The following FNBP1 variants were observed in gnomAD, a reference collection of about 807,000 sequenced individuals.
FNBP1 encodes the protein formin binding protein 1.
Under a neutral mutation model 90.6 loss-of-function variants are expected in FNBP1, and 26 were observed. That is an observed-to-expected ratio of 0.29 (90% CI 0.21 to 0.40). The LOEUF (loss-of-function observed/expected upper bound fraction) is 0.40, where lower values mean the gene tolerates loss of function less well. FNBP1 is among the 10% of genes least tolerant of loss of function. FNBP1 has a pLI of 1.00. For missense variants in FNBP1, 635 were observed against 768.0 expected, an observed-to-expected ratio of 0.83 and a Z score of 2.05; for synonymous variants, 260 against 265.2, an observed-to-expected ratio of 0.98 and a Z score of 0.19.
chr9:129,958,984 T>TAAAAAAAAAAAAAAAA (rs1334219802), intron 4 of FNBP1, among the ~76,000 whole-genome samples: 2 of 466 alleles, frequency 4.3e-3, no homozygotes, highest in Non-Finnish European at 9.7e-3. Flanking sequence ...AAACTCTGCC[T>TAAAAAAAAAAAAAAAA]CAAAAAAAAA....
chr9:130,036,721 T>A (rs1368192663), intron 1 of FNBP1, among the ~76,000 whole-genome samples: 1 of 152,132 alleles, frequency 6.6e-6, no homozygotes, highest in Non-Finnish European at 1.5e-5. Context: ...GCCATGTTCA[T>A]CCCAAACAGA....
chr9:130,000,635 G>A (rs1337038948), intron 1 of FNBP1, among the ~76,000 whole-genome samples: 1 of 151,978 alleles, frequency 6.6e-6, no homozygotes, highest in East Asian at 1.9e-4. Flanking sequence ...CATCTTTTCT[G>A]ATGAGTCTTT....
intron 4 of FNBP1, among the ~76,000 whole-genome samples, chr9:129,959,493 G>A (rs1411700973): frequency 6.6e-6 from 1 of 152,224 alleles, no homozygotes; most frequent in East Asian, 1.9e-4. Flanking sequence ...GGAGGCTGAG[G>A]CAGGAGAATT....
At chr9:130,007,254 A>AAAG (rs1554852454) in intron 1 of FNBP1, among the ~76,000 whole-genome samples, 2 of 150,676 alleles carry the variant, frequency 1.3e-5, no homozygotes, top group African/African-American at 2.4e-5. Flanking sequence ...AAAAAAAAAA[A>AAAG]AAAGAAAAAA....
chr9:130,042,877 C>G lies in FNBP1; in HGVS notation c.24+75G>C, dbSNP rs1589458595. ...CTCGCCTCCGCCCAGCAGCGCGGCCCGCGCCCCCTCCCCAGGCCGCGGGGA... is the reference window on the plus strand; with the variant it reads ...CTCGCCTCCGCCCAGCAGCGCGGCCGGCGCCCCCTCCCCAGGCCGCGGGGA... On this transcript the variant is annotated intron_variant, in intron 1 of 16. Coordinates refer to ENST00000446176, the MANE Select transcript of FNBP1 (RefSeq NM_015033.3). This position sits in a 1 kb window ranked among gnomAD's most constrained non-coding sequence, Gnocchi z 5.5. The G allele has an allele frequency of 3.7e-6, 4 of 1,073,662 alleles. No homozygotes were observed. The highest frequency in any genetic ancestry group is 3.5e-6 in the Non-Finnish European group (3 of 845,072). 66.5% of individuals were successfully genotyped at this position (1,073,662 alleles called of 1,614,324 possible). A position where few individuals can be genotyped will look rare whatever the true frequency, so the allele number is the denominator to read the frequency against.
At chr9:130,023,352 G>A (rs1463694619) in intron 1 of FNBP1, among the ~76,000 whole-genome samples, 1 of 152,144 alleles carries the variant, frequency 6.6e-6, no homozygotes, top group Non-Finnish European at 1.5e-5. Context: ...ATTCAATCTT[G>A]GCTGAACCCT....
At chr9:129,913,879 G>GT (rs1206827278) in intron 11 of FNBP1, among the ~76,000 whole-genome samples, 2 of 68,218 alleles carry the variant, frequency 2.9e-5, no homozygotes, top group Non-Finnish European at 6.7e-5. Flanking sequence ...TTTTTGTTTT[G>GT]TTTTATAGTT....
chr9:130,033,288 T>A (rs984639937), intron 1 of FNBP1, among the ~76,000 whole-genome samples: 8 of 152,124 alleles, frequency 5.3e-5, no homozygotes, highest in African/African-American at 1.9e-4. Context: ...CCGATACTAA[T>A]AAATATTAGA....
chr9:130,019,798 C>A (rs190578103), intron 1 of FNBP1, among the ~76,000 whole-genome samples: 3 of 152,152 alleles, frequency 2.0e-5, no homozygotes, highest in African/African-American at 4.8e-5. Context: ...CGCTTCATCA[C>A]CCAGGTTGGA....
intron 8 of FNBP1, among the ~76,000 whole-genome samples, 190 bp downstream of exon 8, chr9:129,927,005 G>T (rs889926073): frequency 1.3e-5 from 2 of 151,972 alleles, no homozygotes; most frequent in African/African-American, 4.8e-5. Flanking sequence ...TCATGTCTCG[G>T]ACAATTTACC....
intron 1 of FNBP1, among the ~76,000 whole-genome samples, chr9:129,997,971 G>C (rs2054255861): frequency 6.6e-6 from 1 of 151,808 alleles, no homozygotes; most frequent in South Asian, 2.1e-4. Context: ...CGGATCACTT[G>C]AGGTCAGGAG....
chr9:130,047,180 C>G (rs189879729), upstream of FNBP1, among the ~76,000 whole-genome samples: 50 of 151,616 alleles, frequency 3.3e-4, no homozygotes, highest in Non-Finnish European at 6.0e-4. Context: ...GACCCAGTCT[C>G]TAAAAAAAAA....
At chr9:129,948,274 C>CAAAA (rs1554807439) in intron 6 of FNBP1, among the ~76,000 whole-genome samples, 1 of 150,266 alleles carries the variant, frequency 6.7e-6, no homozygotes, top group Non-Finnish European at 1.5e-5. Context: ...GACCCTGTCT[C>CAAAA]AACAAACAAA....
chr9:130,026,724 G>A (rs1275039536), intron 1 of FNBP1, among the ~76,000 whole-genome samples: 1 of 152,024 alleles, frequency 6.6e-6, no homozygotes. Context: ...AGGCCAAGGC[G>A]GGTGGATCAC....
rs766075165 is a variant in FNBP1, at chr9:129,948,206, G to A, written c.513+9154C>T. ...GAGGATCACTTGAATCCACGAGGTT[G>A]AGGCTGCAATAAGTTTTGATCACAC... On this transcript the variant is annotated intron_variant, in intron 6 of 16. Coordinates refer to ENST00000446176, the MANE Select transcript of FNBP1 (RefSeq NM_015033.3). Among the ~76,000 whole-genome samples the A allele has an allele frequency of 3.9e-4, 59 of 152,130 alleles. No homozygotes were observed. The Middle Eastern group carries it at 0.014, about 35-fold the overall frequency.
Position 129,927,283 on chromosome 9 carries a change from T to A in FNBP1, c.701A>T (p.Tyr234Phe). The A allele has an allele frequency of 1.9e-6, 3 of 1,613,662 alleles. No individual in the cohort carries two copies. Among genetic ancestry groups the A allele is most frequent in the Non-Finnish European group, 2.5e-6 (3 of 1,179,554 alleles). ...IVRMGESMKTYAEVDRQVIPI... is the reference protein window; with the variant it reads ...IVRMGESMKTFAEVDRQVIPI... ...GATCACCTGCCGATCAACCTCTGCA[T>A]ATGTCTTCATGGACTCTCCCATTCT... Residue 234 changes from tyrosine (Y) to phenylalanine (F), a missense_variant, in exon 8 of 17, where the codon TAT becomes TTT. Transcript: ENST00000446176.
Position 129,978,280 on chromosome 9 carries a change from A to C in FNBP1, c.345+185T>G, listed in dbSNP as rs186767402. 131 of 517,302 alleles carry C rather than the reference A, an allele frequency of 2.5e-4. 1 individual carries two copies. The highest frequency in any genetic ancestry group is 2.2e-4 in the Admixed American group (6 of 27,520). 32.0% of individuals were successfully genotyped at this position (517,302 alleles called of 1,614,324 possible). On this transcript the variant is annotated intron_variant, in intron 4 of 16. Coordinates refer to ENST00000446176, the MANE Select transcript of FNBP1 (RefSeq NM_015033.3). ...GTGATCCGCCTGCCTCGGCCTCCCA[A>C]AGTCCTGGGATTACAGGCATGAGCC...
intron 4 of FNBP1, among the ~76,000 whole-genome samples, chr9:129,965,023 G>A (rs1426046942): frequency 2.6e-5 from 4 of 152,188 alleles, no homozygotes; most frequent in African/African-American, 9.7e-5. Flanking sequence ...ACATGCCTGT[G>A]ACAAATCCTG....
At chr9:129,959,028 T>TAAAAAAAAA (rs2047391472) in intron 4 of FNBP1, among the ~76,000 whole-genome samples, 1 of 74,428 alleles carries the variant, frequency 1.3e-5, no homozygotes, top group African/African-American at 4.7e-5. Context: ...ATAAAAAGCT[T>TAAAAAAAAA]AATGTGGAAA....
Sources: allele counts gnomAD v4.1 joint callset (sites outside exome capture counted in the v4.1 genomes callset), GRCh38; gene constraint gnomAD v4.1.1; non-coding constraint Gnocchi (gnomAD v3.1); transcripts MANE v1.5; gene names NCBI Gene and HGNC (gene_info 2026-07-23, HGNC 2026-07-21).